The following SEMA3D variants were observed in gnomAD, a reference collection of about 807,000 sequenced individuals.
SEMA3D encodes the protein semaphorin 3D, also known as semaphorin-3D.
In SEMA3D, 84 loss-of-function variants were observed where a neutral mutation model predicts 100.1. The observed-to-expected ratio is 0.84, with a 90% CI of 0.70 to 1.01. The LOEUF is 1.01. Ranked by LOEUF, SEMA3D falls within the 50% of genes least tolerant of loss-of-function variation. The probability of loss-of-function intolerance (pLI) is 0.00; values close to 1 mark genes in which losing one functional copy is unlikely to be tolerated. For missense variants in SEMA3D, 875 were observed against 934.1 expected (o/e 0.94, Z 0.82); for synonymous variants, 312 against 320.7 (o/e 0.97, Z 0.29).
At chr7:85,225,254 C>A in the SEMA3D span, among the ~76,000 whole-genome samples, 1 of 147,212 alleles carries the variant, frequency 6.8e-6, no homozygotes, top group Non-Finnish European at 1.5e-5. Context: ...TAGTGAAAAT[C>A]AGAATAAGCT....
At chr7:85,215,333 A>G in the SEMA3D span, among the ~76,000 whole-genome samples, 1 of 152,114 alleles carries the variant, frequency 6.6e-6, no homozygotes, top group East Asian at 1.9e-4. Flanking sequence ...TGTTGTTCTC[A>G]TATTAGAAAT....
At chr7:85,116,705 T>C (rs964453737) in intron 3 of SEMA3D, among the ~76,000 whole-genome samples, 4 of 152,078 alleles carry the variant, frequency 2.6e-5, no homozygotes, top group Non-Finnish European at 4.4e-5. Flanking sequence ...TCCAAAGATA[T>C]TATTCCATGT....
intron 1 of SEMA3D, among the ~76,000 whole-genome samples, chr7:85,155,316 A>G (rs985162640): frequency 1.3e-5 from 2 of 152,138 alleles, no homozygotes; most frequent in Non-Finnish European, 2.9e-5. Flanking sequence ...CTAAGAGATA[A>G]AAATATATAA....
At chr7:85,020,635 C>T (rs1380657876) in intron 13 of SEMA3D, among the ~76,000 whole-genome samples, 3 of 151,238 alleles carry the variant, frequency 2.0e-5, no homozygotes, top group Admixed American at 6.6e-5. Flanking sequence ...ATAGAGCAAA[C>T]GTTTTGGACC....
chr7:85,165,114 C>A (rs924559112), intron 1 of SEMA3D, among the ~76,000 whole-genome samples: 1 of 150,844 alleles, frequency 6.6e-6, no homozygotes, highest in Non-Finnish European at 1.5e-5. Context: ...TTTGTCCTTG[C>A]GATAGACGAG....
the SEMA3D span, among the ~76,000 whole-genome samples, chr7:85,203,403 CTAAAGA>C: frequency 3.9e-5 from 6 of 152,130 alleles, no homozygotes; most frequent in East Asian, 1.9e-4. Context: ...TTAAAAGAGA[CTAAAGA>C]TAAAGTTTTA....
At chr7:85,138,214 A>G (rs2116453596) in intron 2 of SEMA3D, among the ~76,000 whole-genome samples, 1 of 152,266 alleles carries the variant, frequency 6.6e-6, no homozygotes, top group South Asian at 2.1e-4. Flanking sequence ...GACTCATTAA[A>G]CAATTAATTA....
At chr7:85,129,871 A>G (rs1214585676) in intron 2 of SEMA3D, among the ~76,000 whole-genome samples, 1 of 152,138 alleles carries the variant, frequency 6.6e-6, no homozygotes, top group African/African-American at 2.4e-5. Flanking sequence ...GTAGCAGGAA[A>G]ACTATGACCT....
At chr7:85,164,498 TC>T (rs1320957568) in intron 1 of SEMA3D, among the ~76,000 whole-genome samples, 3 of 152,132 alleles carry the variant, frequency 2.0e-5, no homozygotes, top group Non-Finnish European at 4.4e-5. Flanking sequence ...TTATAAGTTC[TC>T]ATAGTCTGAG....
At chr7:85,100,682 T>C (rs1047844187) in intron 3 of SEMA3D, among the ~76,000 whole-genome samples, 1 of 151,948 alleles carries the variant, frequency 6.6e-6, no homozygotes, top group Non-Finnish European at 1.5e-5. Context: ...TTAAATATAA[T>C]GGCCATATAT....
At chr7:85,222,269 A>G in the SEMA3D span, among the ~76,000 whole-genome samples, 3 of 151,440 alleles carry the variant, frequency 2.0e-5, no homozygotes, top group Admixed American at 1.3e-4. Flanking sequence ...TAAAGGTAAA[A>G]TTGGAATTTT....
At chr7:85,236,281 TTTTATTTATTTA>T in the SEMA3D span, among the ~76,000 whole-genome samples, 266 of 132,006 alleles carry the variant, frequency 2.0e-3, no homozygotes, top group African/African-American at 4.8e-3. Flanking sequence ...TTTTATTTTA[TTTTATTTATTTA>T]TTTATTTATT....
At chr7:85,082,529 A>G (rs1390741638) in intron 4 of SEMA3D, among the ~76,000 whole-genome samples, 1 of 152,206 alleles carries the variant, frequency 6.6e-6, no homozygotes. Flanking sequence ...CTTATAATAT[A>G]TGCTCCAGGA....
At chr7:85,006,607 T>G (rs1420220704) in intron 18 of SEMA3D, among the ~76,000 whole-genome samples, 195 bp downstream of exon 18, 2 of 151,980 alleles carry the variant, frequency 1.3e-5, no homozygotes, top group Admixed American at 1.3e-4. Flanking sequence ...TTCAAATATA[T>G]TTTACGAATA....
At chr7:85,068,334 C>G in intron 6 of SEMA3D, 50 bp from the exon 7 acceptor site, 1 of 987,630 alleles carries the variant, frequency 1.0e-6, no homozygotes, top group African/African-American at 1.6e-5. Context: ...ATATTACAAA[C>G]AGTAAGAATG....
At chr7:85,242,833 T>C in the SEMA3D span, among the ~76,000 whole-genome samples, 5 of 152,318 alleles carry the variant, frequency 3.3e-5, no homozygotes, top group East Asian at 9.6e-4. Context: ...TATGCTTTTC[T>C]ATCTGAAATT....
intron 3 of SEMA3D, among the ~76,000 whole-genome samples, chr7:85,105,643 C>T (rs1290722307): frequency 6.6e-6 from 1 of 152,086 alleles, no homozygotes; most frequent in Non-Finnish European, 1.5e-5. Context: ...TATCATTAAG[C>T]TATCCACACT....
chr7:85,205,230 G>A, the SEMA3D span, among the ~76,000 whole-genome samples: 1 of 152,022 alleles, frequency 6.6e-6, no homozygotes, highest in Non-Finnish European at 1.5e-5. Flanking sequence ...CACTCCATGT[G>A]TTGTTTCTTC....
chr7:85,014,166 G>GA, intron 16 of SEMA3D, among the ~76,000 whole-genome samples: 3 of 151,720 alleles, frequency 2.0e-5, no homozygotes, highest in Middle Eastern at 6.8e-3. Context: ...ATTCCAAAAA[G>GA]AAAAAAGTGT....
Sources: gnomAD v4.1 joint callset for allele counts (sites outside exome capture counted in the v4.1 genomes callset) on GRCh38, gnomAD v4.1.1 for gene constraint, MANE v1.5 for transcripts, NCBI Gene and HGNC (gene_info 2026-07-23, HGNC 2026-07-21) for gene names.